The following NEK10 variants were observed in gnomAD, a reference collection of about 807,000 sequenced individuals.
The protein encoded by NEK10 is NIMA related kinase 10, also known as serine/threonine-protein kinase Nek10.
NEK10 carries 122 observed loss-of-function variants against 159.8 expected under a neutral mutation model. The observed-to-expected ratio is 0.76, with a 90% CI of 0.66 to 0.89. The LOEUF is 0.89. Ranked by LOEUF, NEK10 falls within the 40% of genes least tolerant of loss-of-function variation. NEK10 has a pLI of 0.00. For missense variants in NEK10, 1,342 were observed against 1,323.1 expected (o/e 1.01, Z -0.22); for synonymous variants, 466 against 457.1 (o/e 1.02, Z -0.25).
intron 22 of NEK10, among the ~76,000 whole-genome samples, chr3:27,279,848 T>A (rs1025534186): frequency 6.6e-6 from 1 of 152,162 alleles, no homozygotes; most frequent in Non-Finnish European, 1.5e-5. Flanking sequence ...AGGAAAATAC[T>A]GCTTCACTTA....
chr3:27,362,919 A>C (rs1189088309), intron 1 of NEK10, among the ~76,000 whole-genome samples: 1 of 152,074 alleles, frequency 6.6e-6, no homozygotes, highest in Non-Finnish European at 1.5e-5. Context: ...ACAACAAAAA[A>C]ATCTATCTCC....
rs964258374 is a variant in NEK10 at position 27,304,894 on chromosome 3, G to A, written c.881C>T (p.Pro294Leu). 11 of 1,612,724 alleles carry A rather than the reference G, an allele frequency of 6.8e-6. No individual in the cohort carries two copies. Among genetic ancestry groups the A allele is most frequent in the African/African-American group, 2.7e-5 (2 of 74,902 alleles). The change falls in exon 12 of 36, where the codon CCG (proline) becomes CTG (leucine). Residue 294 changes from proline to leucine, a missense_variant. Physicochemically the swap from Pro to Leu is moderately conservative, Grantham distance 98 (BLOSUM62 -3). Transcript: ENST00000691995. ...KEQVKLYEGI[P>L]VLLSLLHSDH... Reference sequence around the variant, plus strand: ...AGAGTGGAGCAGACTGAGGAGGACCGGTATCCCCTCATAGAGCTTCACCTG... The same window carrying A: ...AGAGTGGAGCAGACTGAGGAGGACCAGTATCCCCTCATAGAGCTTCACCTG...
At chr3:27,258,043 A>C (rs1440623026) in intron 22 of NEK10, among the ~76,000 whole-genome samples, 1 of 151,302 alleles carries the variant, frequency 6.6e-6, no homozygotes, top group Non-Finnish European at 1.5e-5. Context: ...TGATCCGCCC[A>C]CCTCAGCCTC....
In NEK10 at chr3:27,174,675, G is replaced by T; in HGVS notation, c.2664C>A (p.Asn888Lys). 3 of 1,611,528 alleles carry T rather than the reference G, an allele frequency of 1.9e-6. No individual in the cohort carries two copies. The highest frequency in any genetic ancestry group is 2.5e-6 in the Non-Finnish European group (3 of 1,179,162). The change falls in exon 27 of 36, where the codon AAC becomes AAA. Residue 888 changes from asparagine to lysine, a missense_variant. By Grantham distance (94) the Asn-to-Lys change is moderately conservative (BLOSUM62 0). Coordinates refer to ENST00000691995, the MANE Select transcript of NEK10 (RefSeq NM_001394966.1). ...RACDEILSDD[N>K]FNLENAEKDT... Reference sequence around the variant, plus strand: ...CTTTCTCAGCATTTTCCAGGTTGAAGTTATCATCTGACAGGATTTCGTCAC... The same window carrying T: ...CTTTCTCAGCATTTTCCAGGTTGAATTTATCATCTGACAGGATTTCGTCAC...
intron 26 of NEK10, among the ~76,000 whole-genome samples, chr3:27,186,993 AG>A (rs1365213984): frequency 6.6e-6 from 1 of 152,172 alleles, no homozygotes; most frequent in Admixed American, 6.5e-5. Flanking sequence ...GCTTAAACTA[AG>A]AATGCCAAGA....
intron 13 of NEK10, among the ~76,000 whole-genome samples, chr3:27,300,561 T>A (rs1469234049): frequency 6.6e-6 from 1 of 152,246 alleles, no homozygotes; most frequent in Non-Finnish European, 1.5e-5. Flanking sequence ...TACATATCTA[T>A]GTGCCCTGTA....
At chr3:27,162,629 G>A (rs774193504) in intron 30 of NEK10, 72 bp downstream of exon 30, 1 of 1,614,070 alleles carries the variant, frequency 6.2e-7, no homozygotes, top group Non-Finnish European at 8.5e-7. Context: ...GGAAAGATAT[G>A]AAACTGTAAC....
At chr3:27,269,341 G>A (rs1263693545) in intron 22 of NEK10, among the ~76,000 whole-genome samples, 2 of 152,148 alleles carry the variant, frequency 1.3e-5, no homozygotes, top group Admixed American at 1.3e-4. Flanking sequence ...CATTTATTTT[G>A]TGAAAAGAAG....
chr3:27,346,243 T>C (rs2047545982), intron 3 of NEK10, 27 bp from the exon 4 acceptor site: 2 of 1,612,680 alleles, frequency 1.2e-6, no homozygotes, highest in Admixed American at 1.7e-5. Flanking sequence ...ATAGAGTACA[T>C]GAGGATCACA....
At position 27,151,094 on chromosome 3, in the gene NEK10, C is replaced by CAAAGCGGAAGACAAA. The variant is rs1407830805; in HGVS notation, c.2870-9513_2870-9512insTTTGTCTTCCGCTTT. Among the ~76,000 whole-genome samples the CAAAGCGGAAGACAAA allele has an allele frequency of 9.4e-4, 143 of 152,218 alleles. 1 individual carries two copies. The highest frequency in any genetic ancestry group is 3.3e-3 in the African/African-American group (139 of 41,538). ...CACCCTGGTAGCGGAAGACAAAGGA[C>CAAAGCGGAAGACAAA]GTATAATCTTGGGAGTTCTAAGGCC... On this transcript the variant is annotated intron_variant, in intron 30 of 35. Transcript: ENST00000691995.
At chr3:27,122,346 CTTTATAAAT>C (rs1441733740) in intron 32 of NEK10, among the ~76,000 whole-genome samples, 1 of 152,156 alleles carries the variant, frequency 6.6e-6, no homozygotes, top group East Asian at 1.9e-4. Flanking sequence ...AGCCTTTTTG[CTTTATAAAT>C]TACCAAGTCT....
intron 16 of NEK10, among the ~76,000 whole-genome samples, chr3:27,293,131 T>A (rs1156554032): frequency 6.6e-6 from 1 of 152,070 alleles, no homozygotes; most frequent in East Asian, 1.9e-4. Context: ...AGCCTCCCCT[T>A]CAAATGAGCT....
chr3:27,208,937 T>G (rs561069447), intron 23 of NEK10, among the ~76,000 whole-genome samples: 1 of 152,318 alleles, frequency 6.6e-6, no homozygotes, highest in East Asian at 1.9e-4. Flanking sequence ...TAAACAGCTC[T>G]AACTTTTCTG....
At chr3:27,307,769 T>C (rs2044354638) in intron 11 of NEK10, 90 bp downstream of exon 11, 2 of 724,314 alleles carry the variant, frequency 2.8e-6, no homozygotes, top group South Asian at 3.1e-5. Flanking sequence ...TCAGTTACAA[T>C]GTAAATAACA....
At chr3:27,136,472 A>C (rs1168721994) in intron 31 of NEK10, among the ~76,000 whole-genome samples, 1 of 152,150 alleles carries the variant, frequency 6.6e-6, no homozygotes, top group African/African-American at 2.4e-5. Context: ...TATTTAACAA[A>C]ACAATCTAAA....
At position 27,323,305 on chromosome 3, in the gene NEK10, C is replaced by T. The variant is rs1226537015; in HGVS notation, c.363-1044G>A. Among the ~76,000 whole-genome samples the T allele has an allele frequency of 2.6e-5, 4 of 152,176 alleles. No individual in the cohort carries two copies. The East Asian group carries it at 7.7e-4, about 29-fold the overall frequency. ...CTACACTACTGAAGCTGTTGCCATT[C>T]GCTAAGAGCTGCAGGAGGGACTGAT... On this transcript the variant is annotated intron_variant, in intron 5 of 35. Coordinates refer to ENST00000691995, the MANE Select transcript of NEK10 (RefSeq NM_001394966.1).
At chr3:27,259,488 T>C (rs1255716863) in intron 22 of NEK10, among the ~76,000 whole-genome samples, 5 of 152,230 alleles carry the variant, frequency 3.3e-5, no homozygotes, top group Non-Finnish European at 7.3e-5. Context: ...CCTTTCCCCA[T>C]TGCTTGTTTT....
chr3:27,125,031 C>A (rs1467060105), intron 32 of NEK10, among the ~76,000 whole-genome samples: 1 of 152,054 alleles, frequency 6.6e-6, no homozygotes, highest in African/African-American at 2.4e-5. Flanking sequence ...ATAGGGCCCT[C>A]CTGCTCTGAA....
intron 1 of NEK10, among the ~76,000 whole-genome samples, chr3:27,365,594 T>TG (rs1480575838): frequency 6.8e-5 from 8 of 118,048 alleles, no homozygotes; most frequent in African/African-American, 1.2e-4. Flanking sequence ...TTTGGTTTTT[T>TG]GTGTTTTTTT....
Sources: allele counts gnomAD v4.1 joint callset (sites outside exome capture counted in the v4.1 genomes callset), GRCh38; gene constraint gnomAD v4.1.1; transcripts MANE v1.5; gene names NCBI Gene and HGNC (gene_info 2026-07-23, HGNC 2026-07-21).